B4GALNT3: variants seen among roughly 807,000 people sequenced by gnomAD.
B4GALNT3 encodes the protein beta-1,4-N-acetylgalactosaminyltransferase 3.
Under a neutral mutation model 120.2 loss-of-function variants are expected in B4GALNT3, and 86 were observed. That is an observed-to-expected ratio of 0.72 (90% confidence interval 0.60 to 0.86). B4GALNT3 has a LOEUF of 0.86. Ranked by LOEUF, B4GALNT3 falls within the 40% of genes least tolerant of loss-of-function variation. B4GALNT3 has a pLI of 0.00. For missense variants in B4GALNT3, 1,167 were observed against 1,298.9 expected (o/e 0.90, Z 1.56); for synonymous variants, 518 against 510.4 (o/e 1.01, Z -0.20).
chr12:537,311 G>T (rs1186425361), intron 3 of B4GALNT3, among the ~76,000 whole-genome samples: 2 of 152,170 alleles, frequency 1.3e-5, no homozygotes, highest in South Asian at 2.1e-4. Context: ...TAGAGACAGG[G>T]TCTTGCTTTG....
intron 13 of B4GALNT3, 42 bp from the exon 14 acceptor site, chr12:553,152 T>C (rs375905036): frequency 1.3e-6 from 2 of 1,595,688 alleles, no homozygotes; most frequent in African/African-American, 2.7e-5. Context: ...TTGGAAAGGG[T>C]TGGAAACTCT....
chr12:553,687 T>C lies in B4GALNT3; in HGVS notation c.1764T>C (p.His588=). ...CTCAGGCCCCTGGAAGGGGCTGGCA[T>C]GGGGAGGAGGAAGTGGTGGCGGCCG... The part of the protein sequence containing the change: ...MRPQAPGRGW[H]GEEEVVAAAG... Residue 588 remains histidine, a synonymous_variant, in exon 14 of 20, where the codon CAT becomes CAC. Coordinates refer to ENST00000266383, the MANE Select transcript of B4GALNT3 (RefSeq NM_173593.4). 6.2e-7 allele frequency: 1 copy of C among 1,613,452 alleles called. No individual in the cohort carries two copies. The highest frequency in any genetic ancestry group is 8.5e-7 in the Non-Finnish European group (1 of 1,179,836).
chr12:483,566 T>C (rs1027992422), intron 1 of B4GALNT3, among the ~76,000 whole-genome samples: 1 of 152,096 alleles, frequency 6.6e-6, no homozygotes, highest in Non-Finnish European at 1.5e-5. Flanking sequence ...GGTGTAGTGG[T>C]GTGTGCCTGT....
intron 3 of B4GALNT3, among the ~76,000 whole-genome samples, chr12:537,752 G>C (rs149522324): frequency 6.6e-6 from 1 of 152,130 alleles, no homozygotes; most frequent in Non-Finnish European, 1.5e-5. Context: ...GAGGCCCTGC[G>C]GACACAGATT....
chr12:472,036 CTGT>C (rs1364856355), intron 1 of B4GALNT3, among the ~76,000 whole-genome samples: 1 of 151,430 alleles, frequency 6.6e-6, no homozygotes, highest in Non-Finnish European at 1.5e-5. Flanking sequence ...CGACAGCAGG[CTGT>C]TGTTATTCGG....
chr12:490,746 C>T (rs574611434), intron 1 of B4GALNT3, among the ~76,000 whole-genome samples: 130 of 150,958 alleles, frequency 8.6e-4, no homozygotes, highest in African/African-American at 2.9e-3. Flanking sequence ...AAAAAAATTA[C>T]GGACAACTCT....
At chr12:558,193 A>G (rs1947182246) in intron 17 of B4GALNT3, 105 bp downstream of exon 17, 1 of 1,276,440 alleles carries the variant, frequency 7.8e-7, no homozygotes, top group Non-Finnish European at 1.1e-6. Context: ...GAGGACGGGA[A>G]TGAGGACACA....
chr12:528,354 T>G (rs1023596383), intron 1 of B4GALNT3, among the ~76,000 whole-genome samples: 1 of 152,132 alleles, frequency 6.6e-6, no homozygotes, highest in East Asian at 1.9e-4. Flanking sequence ...GCCTCCTGAG[T>G]AGCTGAGATT....
At chr12:492,736 G>C (rs548016426) in intron 1 of B4GALNT3, among the ~76,000 whole-genome samples, 39 of 152,260 alleles carry the variant, frequency 2.6e-4, no homozygotes, top group African/African-American at 8.7e-4. Context: ...CAGTAATGAA[G>C]ACACTGTTAT....
At chr12:495,944 A>G (rs1946383905) in intron 1 of B4GALNT3, among the ~76,000 whole-genome samples, 1 of 152,168 alleles carries the variant, frequency 6.6e-6, no homozygotes, top group Non-Finnish European at 1.5e-5. Flanking sequence ...GACAGTATAT[A>G]TTTGTGTTTA....
chr12:489,726 G>A (rs957886426), intron 1 of B4GALNT3, among the ~76,000 whole-genome samples: 1 of 152,176 alleles, frequency 6.6e-6, no homozygotes, highest in Non-Finnish European at 1.5e-5. Flanking sequence ...AATTGGTAAA[G>A]ACATAATTGA....
At chr12:542,347 GC>G (rs1946927858) in intron 3 of B4GALNT3, among the ~76,000 whole-genome samples, 2 of 151,804 alleles carry the variant, frequency 1.3e-5, no homozygotes, top group South Asian at 4.2e-4. Context: ...GTTATTCCCT[GC>G]CCCCTCCTCT....
At chr12:493,080 C>T (rs11063256) in intron 1 of B4GALNT3, among the ~76,000 whole-genome samples, 7,390 of 152,220 alleles carry the variant, frequency 0.049, 270 homozygotes, top group East Asian at 0.18. Context: ...CCATGAGAAA[C>T]AATTGATAAG....
chr12:519,493 C>T (rs952034477), intron 1 of B4GALNT3, among the ~76,000 whole-genome samples: 4 of 152,068 alleles, frequency 2.6e-5, no homozygotes, highest in Non-Finnish European at 4.4e-5. Context: ...ATGTTCACCG[C>T]TGGCAGAACG....
rs1191406974 is a variant in B4GALNT3, at chr12:554,737, C to T, written c.2060+754C>T. On this transcript the variant is annotated intron_variant, in intron 14 of 19. Transcript: ENST00000266383. Reference sequence around the variant, plus strand: ...CCCGGGAGGCGGAGCTTGCAGTGAGCTGAGATTGCGCCACTGCACTCCAGC... The same window carrying T: ...CCCGGGAGGCGGAGCTTGCAGTGAGTTGAGATTGCGCCACTGCACTCCAGC... Among the ~76,000 whole-genome samples the T allele has an allele frequency of 3.4e-5, 4 of 116,964 alleles. No homozygotes were observed. The East Asian group carries it at 8.5e-4, about 25-fold the overall frequency. 76.7% of individuals were successfully genotyped at this position (116,964 alleles called of 152,430 possible). A position where few individuals can be genotyped will look rare whatever the true frequency, so the allele number is the denominator to read the frequency against.
chr12:551,102 G>T, intron 11 of B4GALNT3, 71 bp downstream of exon 11: 1 of 1,318,666 alleles, frequency 7.6e-7, no homozygotes, highest in Non-Finnish European at 1.1e-6. Flanking sequence ...GGGATGGGAG[G>T]TGGTGAGGCT....
At position 543,784 on chromosome 12, in the gene B4GALNT3, G is replaced by A. The variant is rs150404831; in HGVS notation, c.352-555G>A. On this transcript the variant is annotated intron_variant, in intron 3 of 19. Coordinates refer to ENST00000266383, the MANE Select transcript of B4GALNT3 (RefSeq NM_173593.4). ...ATCCTCCCAGAGCTGAGGAGCTGGG[G>A]CAGGCATGGGGTGCTCATCTTCCCG... 2.1e-3 allele frequency among the ~76,000 whole-genome samples: 241 copies of A among 112,704 alleles called. 17 individuals carry two copies. The highest frequency in any genetic ancestry group is 2.8e-3 in the Non-Finnish European group (153 of 54,370). 73.9% of individuals were successfully genotyped at this position (112,704 alleles called of 152,430 possible).
At chr12:488,059 G>T (rs904989087) in intron 1 of B4GALNT3, among the ~76,000 whole-genome samples, 2 of 152,012 alleles carry the variant, frequency 1.3e-5, no homozygotes, top group African/African-American at 2.4e-5. Context: ...CCGGGTATGG[G>T]CCAGTATGGT....
rs766099871 is a variant in B4GALNT3 at position 544,849 on chromosome 12, G to A, written c.448-33G>A. On this transcript the variant is annotated intron_variant, in intron 4 of 19. Transcript: ENST00000266383. ...CGGGAAGTTTCCTTTTCCCTCTTCT[G>A]GGTAACTGTTTCCTTCCCCTTTCTT... The A allele has an allele frequency of 9.4e-6, 15 of 1,603,352 alleles. No homozygotes were observed. In the Admixed American group the frequency reaches 2.2e-4, roughly 23 times the overall value.
Sources: allele counts gnomAD v4.1 joint callset (sites outside exome capture counted in the v4.1 genomes callset), GRCh38; gene constraint gnomAD v4.1.1; transcripts MANE v1.5; gene names NCBI Gene and HGNC (gene_info 2026-07-23, HGNC 2026-07-21).